The following RASAL2 variants were observed in gnomAD, a reference collection of about 807,000 sequenced individuals.
The protein encoded by RASAL2 is RAS protein activator like 2.
A neutral mutation model predicts 128.9 loss-of-function variants in RASAL2; 58 were observed. The observed-to-expected ratio is 0.45, with a 90% CI of 0.36 to 0.56. RASAL2 has a LOEUF of 0.56. RASAL2 is among the 20% of genes least tolerant of loss of function. RASAL2 has a pLI of 0.00. For synonymous variants in RASAL2, 561 were observed against 580.8 expected (o/e 0.97, Z 0.49); for missense variants, 1,360 against 1,601.6 (o/e 0.85, Z 2.57).
At chr1:178,261,642 A>T (rs541858949) in intron 1 of RASAL2, among the ~76,000 whole-genome samples, 81 of 152,230 alleles carry the variant, frequency 5.3e-4, no homozygotes, top group African/African-American at 1.9e-3. Flanking sequence ...GAAGTGTTGG[A>T]TGGGCGTGGT....
chr1:178,226,134 T>C (rs1663776416), intron 1 of RASAL2, among the ~76,000 whole-genome samples: 2 of 152,346 alleles, frequency 1.3e-5, no homozygotes, highest in African/African-American at 2.4e-5. Context: ...AGCATAGTTA[T>C]CATCTAGGAG....
intron 1 of RASAL2, among the ~76,000 whole-genome samples, chr1:178,229,543 A>G (rs1663920483): frequency 6.6e-6 from 1 of 150,802 alleles, no homozygotes; most frequent in African/African-American, 2.4e-5. Context: ...TAGGCTATGC[A>G]TTTTTTTTGC....
At chr1:178,138,115 T>C (rs1178701487) in intron 1 of RASAL2, among the ~76,000 whole-genome samples, 1 of 152,180 alleles carries the variant, frequency 6.6e-6, no homozygotes, top group East Asian at 1.9e-4. Context: ...AAGAAAAATA[T>C]TATATTTTTG....
intron 3 of RASAL2, among the ~76,000 whole-genome samples, chr1:178,319,791 G>A (rs960126041): frequency 5.9e-5 from 9 of 152,250 alleles, no homozygotes; most frequent in South Asian, 2.1e-4. Context: ...TCTTCTCTCA[G>A]CTCGTCAAAG....
chr1:178,379,555 A>T (rs1295818103), intron 3 of RASAL2, among the ~76,000 whole-genome samples: 1 of 152,216 alleles, frequency 6.6e-6, no homozygotes, highest in East Asian at 1.9e-4. Context: ...CACTTGCGTT[A>T]ATATTTCCAA....
chr1:178,367,703 A>G (rs1410419676), intron 3 of RASAL2, among the ~76,000 whole-genome samples: 1 of 152,220 alleles, frequency 6.6e-6, no homozygotes, highest in Non-Finnish European at 1.5e-5. Context: ...ATAAAAATTA[A>G]GTATCTCATG....
chr1:178,121,786 C>A (rs1571503895), intron 1 of RASAL2, among the ~76,000 whole-genome samples: 1 of 152,046 alleles, frequency 6.6e-6, no homozygotes, highest in Non-Finnish European at 1.5e-5. Flanking sequence ...ATGCCCAGCC[C>A]ATTTGTTGTT....
At chr1:178,472,796 TCA>T (rs2102974021) in intron 17 of RASAL2, among the ~76,000 whole-genome samples, 1 of 152,336 alleles carries the variant, frequency 6.6e-6, no homozygotes, top group East Asian at 1.9e-4. Flanking sequence ...ACACATGGTA[TCA>T]CTTTTACATG....
chr1:178,216,281 G>C lies in RASAL2; in HGVS notation c.203-67283G>C, dbSNP rs566175540. Among the ~76,000 whole-genome samples the C allele has an allele frequency of 2.0e-5, 3 of 152,244 alleles. No individual in the cohort carries two copies. In the South Asian group the frequency reaches 6.2e-4, roughly 32 times the overall value. ...CACTGTTTGTGAGATTTTAAAAAAGGCTCGATCTTGTCGTTGATTTACAGT... is the reference window on the plus strand; with the variant it reads ...CACTGTTTGTGAGATTTTAAAAAAGCCTCGATCTTGTCGTTGATTTACAGT... On this transcript the variant is annotated intron_variant, in intron 1 of 17. Coordinates refer to ENST00000367649, the MANE Select transcript of RASAL2 (RefSeq NM_170692.4).
chr1:178,311,181 T>G (rs560394775), intron 3 of RASAL2, among the ~76,000 whole-genome samples: 12 of 151,718 alleles, frequency 7.9e-5, no homozygotes, highest in Non-Finnish European at 1.6e-4. Context: ...ACTAAAGGTG[T>G]TTTATTTTAA....
chr1:178,353,281 G>C (rs1240482370), intron 3 of RASAL2, among the ~76,000 whole-genome samples: 1 of 152,190 alleles, frequency 6.6e-6, no homozygotes, highest in Non-Finnish European at 1.5e-5. Context: ...AAGCAGCCAG[G>C]CTACATCTTG....
At chr1:178,440,537 A>G (rs995741370) in intron 6 of RASAL2, among the ~76,000 whole-genome samples, 2 of 152,150 alleles carry the variant, frequency 1.3e-5, no homozygotes, top group Non-Finnish European at 1.5e-5. Context: ...GACAGAGCAT[A>G]TAATCTGATC....
At chr1:178,234,753 G>T (rs978214218) in intron 1 of RASAL2, among the ~76,000 whole-genome samples, 1 of 152,046 alleles carries the variant, frequency 6.6e-6, no homozygotes, top group African/African-American at 2.4e-5. Context: ...GAAAATTTCA[G>T]CCTCTCATTA....
chr1:178,438,648 A>G (rs1227590392), intron 5 of RASAL2, among the ~76,000 whole-genome samples: 2 of 152,048 alleles, frequency 1.3e-5, no homozygotes. Context: ...CAACTAGGAA[A>G]CAAAATCAGC....
Position 178,458,542 on chromosome 1 carries a change from C to CA in RASAL2, c.3251dup (p.Val1085GlyfsTer27), listed in dbSNP as rs1558007634. On this transcript the variant is annotated frameshift_variant and splice_region_variant, in exon 14 of 18. Transcript: ENST00000367649. LOFTEE classifies it high-confidence loss of function. ...AGCAATCCAGAGACAACAGACACAGCAGGTAGGTGTGAGTGCTGAAGGGGC... is the reference window on the plus strand; with the variant it reads ...AGCAATCCAGAGACAACAGACACAGCAAGGTAGGTGTGAGTGCTGAAGGGGC... The CA allele has an allele frequency of 6.2e-7, 1 of 1,603,038 alleles. No homozygotes were observed. The highest frequency in any genetic ancestry group is 2.2e-5 in the East Asian group (1 of 44,790).
At chr1:178,405,157 A>G (rs899584961) in intron 4 of RASAL2, among the ~76,000 whole-genome samples, 1 of 152,200 alleles carries the variant, frequency 6.6e-6, no homozygotes, top group Non-Finnish European at 1.5e-5. Context: ...GCAAGATTAC[A>G]TATACACTTA....
chr1:178,442,280 T>C (rs764578163), intron 7 of RASAL2, among the ~76,000 whole-genome samples: 4 of 152,116 alleles, frequency 2.6e-5, no homozygotes, highest in Non-Finnish European at 5.9e-5. Flanking sequence ...ATAAAAGGAC[T>C]CTGAAAAGTT....
At chr1:178,250,856 G>A (rs531901949) in intron 1 of RASAL2, among the ~76,000 whole-genome samples, 5 of 152,090 alleles carry the variant, frequency 3.3e-5, no homozygotes, top group South Asian at 2.1e-4. Flanking sequence ...TAAAGTCTTC[G>A]AATCAAATGT....
chr1:178,195,569 C>T (rs911744190), intron 1 of RASAL2, among the ~76,000 whole-genome samples: 3 of 151,964 alleles, frequency 2.0e-5, no homozygotes, highest in Admixed American at 6.6e-5. Flanking sequence ...AAACCTACCT[C>T]GTAGAGTGCT....
Sources: gnomAD v4.1 joint callset for allele counts (sites outside exome capture counted in the v4.1 genomes callset) on GRCh38, gnomAD v4.1.1 for gene constraint, MANE v1.5 for transcripts, NCBI Gene and HGNC (gene_info 2026-07-23, HGNC 2026-07-21) for gene names.